Variants in ARMC2 observed in about 807,000 individuals in gnomAD.
ARMC2 encodes armadillo repeat containing 2.
Under a neutral mutation model 90.3 loss-of-function variants are expected in ARMC2, and 67 were observed. That is an observed-to-expected ratio of 0.74 (90% CI 0.61 to 0.91). ARMC2 has a LOEUF of 0.91. Ranked by LOEUF, ARMC2 falls within the 40% of genes least tolerant of loss-of-function variation. ARMC2 has a pLI of 0.00. For missense variants in ARMC2, 920 were observed against 1,030.9 expected, an observed-to-expected ratio of 0.89 and a Z score of 1.47; for synonymous variants, 393 against 393.0, an observed-to-expected ratio of 1.00 and a Z score of 0.00.
At chr6:109,042,694 T>A in the ARMC2 span, among the ~76,000 whole-genome samples, 4 of 152,140 alleles carry the variant, frequency 2.6e-5, no homozygotes, top group Admixed American at 6.5e-5. Context: ...CTATTGCTAT[T>A]AAGAAAATTG....
intron 12 of ARMC2, among the ~76,000 whole-genome samples, chr6:108,942,735 G>C (rs903551294): frequency 1.7e-4 from 26 of 152,118 alleles, no homozygotes; most frequent in African/African-American, 6.3e-4. Context: ...GAAAGAGTCA[G>C]TAGACCTTCC....
At chr6:108,935,269 T>C (rs1003284991) in intron 11 of ARMC2, among the ~76,000 whole-genome samples, 4 of 152,214 alleles carry the variant, frequency 2.6e-5, no homozygotes, top group African/African-American at 7.2e-5. Flanking sequence ...GTTTGCTTCC[T>C]GTCTTATTTC....
At chr6:108,870,552 GAAGA>G (rs2128431001) in intron 4 of ARMC2, among the ~76,000 whole-genome samples, 1 of 150,046 alleles carries the variant, frequency 6.7e-6, no homozygotes, top group African/African-American at 2.4e-5. Context: ...AGGAAGGAAG[GAAGA>G]GAGGGAAGGA....
the ARMC2 span, chr6:108,990,757 A>C: frequency 2.5e-6 from 4 of 1,613,980 alleles, no homozygotes; most frequent in Admixed American, 3.3e-5. Flanking sequence ...GCAATGTGAA[A>C]TTTTTCATCA....
chr6:108,901,098 A>ATTTTTTTTTT lies in ARMC2; in HGVS notation c.847+1334_847+1343dup, dbSNP rs1173637475. 1.5e-4 allele frequency among the ~76,000 whole-genome samples: 9 copies of ATTTTTTTTTT among 59,366 alleles called. 1 individual carries two copies. The highest frequency in any genetic ancestry group is 8.9e-4 in the East Asian group (1 of 1,120). The allele number at this position is 59,366 out of a possible 152,430, so 38.9% of individuals were successfully genotyped here. Reference sequence around the variant, plus strand: ...GAAGCCTTCCTACAGGAAAGAAGGAATTTTTTTTTTTTTTTTTTTTTTTTT... The same window carrying ATTTTTTTTTT: ...GAAGCCTTCCTACAGGAAAGAAGGAATTTTTTTTTTTTTTTTTTTTTTTTTTTTTTTTTTT... On this transcript the variant is annotated intron_variant, in intron 7 of 17. Coordinates refer to ENST00000392644, the MANE Select transcript of ARMC2 (RefSeq NM_032131.6).
rs768886523 is a variant in ARMC2 at position 108,964,175 on chromosome 6, C to T, written c.2153-5C>T. ...CTGGTCTGCATTTGCTCTCTTCCCTCGTAGTCCACAGGTTCATGATGGCGC... is the reference window on the plus strand; with the variant it reads ...CTGGTCTGCATTTGCTCTCTTCCCTTGTAGTCCACAGGTTCATGATGGCGC... On this transcript the variant is annotated splice_polypyrimidine_tract_variant and splice_region_variant and intron_variant, in intron 15 of 17. Coordinates refer to ENST00000392644, the MANE Select transcript of ARMC2 (RefSeq NM_032131.6). 17 of 1,611,706 alleles carry T rather than the reference C, an allele frequency of 1.1e-5. No individual in the cohort carries two copies. In the South Asian group the frequency reaches 1.7e-4, roughly 16 times the overall value.
In ARMC2 at chr6:108,904,167, T is replaced by A. The variant is rs570342634; in HGVS notation, c.848-63T>A. On this transcript the variant is annotated intron_variant, in intron 7 of 17. Coordinates refer to ENST00000392644, the MANE Select transcript of ARMC2 (RefSeq NM_032131.6). ...GGGTTTTTACTTACACTGTCTGTGT[T>A]TGACACACTTGGAAACTTAACCTTA... The A allele has an allele frequency of 1.9e-5, 29 of 1,559,736 alleles. No homozygotes were observed. The East Asian group carries it at 6.4e-4, about 34-fold the overall frequency.
intron 5 of ARMC2, among the ~76,000 whole-genome samples, chr6:108,877,890 A>C (rs1171709224): frequency 6.6e-6 from 1 of 152,172 alleles, no homozygotes; most frequent in Non-Finnish European, 1.5e-5. Flanking sequence ...CACTGTCCAA[A>C]ATTATGAGGC....
the ARMC2 span, among the ~76,000 whole-genome samples, chr6:108,992,388 A>C: frequency 6.6e-6 from 1 of 152,072 alleles, no homozygotes; most frequent in Non-Finnish European, 1.5e-5. Flanking sequence ...AGGTGCTGGG[A>C]TCACAGGCGG....
At chr6:108,922,421 AGCC>A (rs1774673466) in intron 10 of ARMC2, among the ~76,000 whole-genome samples, 1 of 152,162 alleles carries the variant, frequency 6.6e-6, no homozygotes, top group Admixed American at 6.5e-5. Flanking sequence ...TACAGACCTG[AGCC>A]ACTGGGCCCA....
the ARMC2 span, among the ~76,000 whole-genome samples, chr6:109,012,890 C>A: frequency 6.6e-6 from 1 of 151,744 alleles, no homozygotes; most frequent in Non-Finnish European, 1.5e-5. Flanking sequence ...CGAGGCAGGG[C>A]GGATCACAAG....
chr6:108,978,853 A>G (rs1274746009), downstream of ARMC2, among the ~76,000 whole-genome samples: 1 of 151,570 alleles, frequency 6.6e-6, no homozygotes, highest in Admixed American at 6.6e-5. Context: ...TGCTTGGTAA[A>G]TATTCCTCTA....
the ARMC2 span, among the ~76,000 whole-genome samples, chr6:109,034,415 A>G: frequency 6.6e-6 from 1 of 152,236 alleles, no homozygotes; most frequent in Admixed American, 6.5e-5. Flanking sequence ...TATATTTTAA[A>G]TACAATATTG....
the ARMC2 span, among the ~76,000 whole-genome samples, chr6:108,991,371 TA>T: frequency 6.6e-6 from 1 of 152,254 alleles, no homozygotes; most frequent in Non-Finnish European, 1.5e-5. Context: ...GCCTCCTGAG[TA>T]ACTGGAACTA....
At chr6:109,010,462 A>G in the ARMC2 span, among the ~76,000 whole-genome samples, 1 of 152,252 alleles carries the variant, frequency 6.6e-6, no homozygotes, top group Non-Finnish European at 1.5e-5. Context: ...AAGTTGGAAC[A>G]TTCTGACAAG....
chr6:109,001,324 C>T, the ARMC2 span: 11 of 1,613,636 alleles, frequency 6.8e-6, no homozygotes, highest in East Asian at 2.2e-5. Flanking sequence ...GTAGGGGTAA[C>T]GGCCCATCCA....
At chr6:109,038,772 G>A in the ARMC2 span, among the ~76,000 whole-genome samples, 3 of 152,198 alleles carry the variant, frequency 2.0e-5, no homozygotes, top group Admixed American at 2.0e-4. Context: ...GTATGAATGA[G>A]GTAACTCCAT....
At chr6:109,004,767 A>C in the ARMC2 span, among the ~76,000 whole-genome samples, 8 of 149,224 alleles carry the variant, frequency 5.4e-5, no homozygotes, top group Non-Finnish European at 8.9e-5. Flanking sequence ...AACACAGTTC[A>C]AGGAAAAGAA....
chr6:109,042,384 C>T, the ARMC2 span, among the ~76,000 whole-genome samples: 2 of 149,950 alleles, frequency 1.3e-5, no homozygotes, highest in African/African-American at 4.9e-5. Context: ...AACAGAAAAA[C>T]AAAAGAGTAA....
Sources: allele counts gnomAD v4.1 joint callset (sites outside exome capture counted in the v4.1 genomes callset), GRCh38; gene constraint gnomAD v4.1.1; transcripts MANE v1.5; gene names NCBI Gene and HGNC (gene_info 2026-07-23, HGNC 2026-07-21).